The following SIPA1L1 variants were observed in gnomAD, a reference collection of about 807,000 sequenced individuals.
The protein encoded by SIPA1L1 is signal-induced proliferation-associated 1-like protein 1.
Under a neutral mutation model 162.7 loss-of-function variants are expected in SIPA1L1, and 26 were observed. The observed-to-expected ratio is 0.16, with a 90% CI of 0.12 to 0.22. SIPA1L1 has a LOEUF of 0.22. Among genes scored for constraint, SIPA1L1 ranks in the 10% least tolerant of loss-of-function variants. The probability of loss-of-function intolerance (pLI) is 1.00; values close to 1 mark genes in which losing one functional copy is unlikely to be tolerated. For synonymous variants in SIPA1L1, 829 were observed against 837.4 expected (o/e 0.99, Z 0.17); for missense variants, 1,874 against 2,241.0 (o/e 0.84, Z 3.31).
At chr14:71,468,050 G>A (rs1023774109) in intron 2 of SIPA1L1, among the ~76,000 whole-genome samples, 5 of 149,698 alleles carry the variant, frequency 3.3e-5, no homozygotes, top group African/African-American at 1.2e-4. Context: ...GTGTGTGTCT[G>A]TCTGTGTCTG....
At chr14:71,650,142 T>G (rs1024640087) in intron 7 of SIPA1L1, 193 bp from the exon 8 acceptor site, 2 of 657,254 alleles carry the variant, frequency 3.0e-6, no homozygotes, top group Admixed American at 4.9e-5. Context: ...TTCTGGCCTT[T>G]TCTCAGTTCA....
intron 2 of SIPA1L1, among the ~76,000 whole-genome samples, chr14:71,407,471 C>A (rs2042104024): frequency 7.1e-6 from 1 of 140,592 alleles, no homozygotes; most frequent in Non-Finnish European, 1.6e-5. Flanking sequence ...CCTCCCTTCC[C>A]TCCATTCCCT....
chr14:71,376,012 C>T (rs8015644), intron 2 of SIPA1L1, among the ~76,000 whole-genome samples: 33,772 of 151,926 alleles, frequency 0.22, 3,961 homozygotes, highest in Middle Eastern at 0.37. Flanking sequence ...GTCTGTGATT[C>T]TTATTTTTTG....
intron 4 of SIPA1L1, among the ~76,000 whole-genome samples, chr14:71,545,332 T>C (rs1444958213): frequency 6.6e-6 from 1 of 152,248 alleles, no homozygotes; most frequent in Non-Finnish European, 1.5e-5. Flanking sequence ...ATACTGAGTA[T>C]TCCATTTACG....
chr14:71,554,886 A>G (rs2056211173), intron 4 of SIPA1L1, among the ~76,000 whole-genome samples: 1 of 152,164 alleles, frequency 6.6e-6, no homozygotes, highest in Non-Finnish European at 1.5e-5. Flanking sequence ...CTCAGGAATA[A>G]AATAACTGGG....
intron 2 of SIPA1L1, among the ~76,000 whole-genome samples, chr14:71,351,331 C>G (rs1227238102): frequency 6.6e-6 from 1 of 151,918 alleles, no homozygotes. Context: ...AATGGCTAGC[C>G]AAAACTTGGA....
chr14:71,634,919 G>C (rs1311458207), intron 7 of SIPA1L1, among the ~76,000 whole-genome samples: 2 of 144,984 alleles, frequency 1.4e-5, no homozygotes, highest in Admixed American at 6.8e-5. Context: ...CTGGGCAACA[G>C]AGTGAGACTC....
At chr14:71,686,951 G>A (rs150803044) in intron 13 of SIPA1L1, among the ~76,000 whole-genome samples, 18 of 152,304 alleles carry the variant, frequency 1.2e-4, no homozygotes, top group African/African-American at 3.6e-4. Context: ...CCAGATACAC[G>A]TAAATCATCA....
chr14:71,523,164 G>T (rs1182354511), intron 3 of SIPA1L1, among the ~76,000 whole-genome samples: 1 of 150,896 alleles, frequency 6.6e-6, no homozygotes, highest in African/African-American at 2.4e-5. Context: ...TCTCCATTCT[G>T]TTTGGTTATT....
chr14:71,462,179 C>G (rs1298425414), intron 2 of SIPA1L1, among the ~76,000 whole-genome samples: 1 of 152,188 alleles, frequency 6.6e-6, no homozygotes. Flanking sequence ...CCAGCAAAGC[C>G]CAGTAACAGA....
chr14:71,621,644 A>G lies in SIPA1L1; in HGVS notation c.1630-2404A>G, dbSNP rs183049511. The stretch of plus-strand genomic sequence containing the variant: ...AATACTTAACACTGTCTTCTCTGTT[A>G]TACTTAGTCATTTTGTTTGCTTTTA... On this transcript the variant is annotated intron_variant, in intron 6 of 23. Coordinates refer to ENST00000381232, the MANE Select transcript of SIPA1L1 (RefSeq NM_001386936.1). Among the ~76,000 whole-genome samples the G allele has an allele frequency of 8.7e-4, 132 of 152,214 alleles. 1 individual carries two copies. The highest frequency in any genetic ancestry group is 3.5e-3 in the Admixed American group (54 of 15,288).
At chr14:71,402,741 T>C (rs2041765835) in intron 2 of SIPA1L1, among the ~76,000 whole-genome samples, 1 of 152,184 alleles carries the variant, frequency 6.6e-6, no homozygotes, top group Non-Finnish European at 1.5e-5. Flanking sequence ...GGTTATGTGA[T>C]GTAAAGAATA....
chr14:71,657,324 G>T (rs2043145445), intron 8 of SIPA1L1, among the ~76,000 whole-genome samples: 1 of 149,122 alleles, frequency 6.7e-6, no homozygotes, highest in African/African-American at 2.5e-5. Context: ...CTCCAGCCTG[G>T]GCGACAGAGT....
intron 12 of SIPA1L1, among the ~76,000 whole-genome samples, chr14:71,674,856 G>A (rs996354766): frequency 6.6e-6 from 1 of 151,648 alleles, no homozygotes; most frequent in African/African-American, 2.4e-5. Context: ...GAGCCACCGC[G>A]CCCGGCCGCA....
intron 9 of SIPA1L1, among the ~76,000 whole-genome samples, chr14:71,660,427 C>T (rs765772608): frequency 6.6e-6 from 1 of 152,056 alleles, no homozygotes; most frequent in Non-Finnish European, 1.5e-5. Flanking sequence ...TATTATTTCT[C>T]CCACCTGGCA....
intron 2 of SIPA1L1, among the ~76,000 whole-genome samples, chr14:71,511,999 G>A (rs2051192697): frequency 6.6e-6 from 1 of 152,148 alleles, no homozygotes; most frequent in African/African-American, 2.4e-5. Context: ...TAAAAAACTG[G>A]CGAACAGAAG....
intron 2 of SIPA1L1, among the ~76,000 whole-genome samples, chr14:71,417,114 T>TA (rs2042826365): frequency 6.6e-6 from 1 of 152,110 alleles, no homozygotes; most frequent in South Asian, 2.1e-4. Context: ...CCAGAAGCCT[T>TA]ACCAATAACA....
intron 4 of SIPA1L1, among the ~76,000 whole-genome samples, chr14:71,566,051 G>C (rs184095043): frequency 1.4e-3 from 209 of 151,802 alleles, no homozygotes; most frequent in Non-Finnish European, 2.5e-3. Flanking sequence ...TCTAACTAGG[G>C]AAATTAAAGA....
chr14:71,395,819 G>A (rs1016161056), intron 2 of SIPA1L1, among the ~76,000 whole-genome samples: 10 of 152,126 alleles, frequency 6.6e-5, no homozygotes, highest in African/African-American at 2.4e-4. Context: ...TGAAAACTAT[G>A]CGCCAAGTAC....
Sources: allele counts gnomAD v4.1 joint callset (sites outside exome capture counted in the v4.1 genomes callset), GRCh38; gene constraint gnomAD v4.1.1; transcripts MANE v1.5; gene names NCBI Gene and HGNC (gene_info 2026-07-23, HGNC 2026-07-21).